The following ZC3H13 variants were observed in gnomAD, a reference collection of about 807,000 sequenced individuals.
ZC3H13 encodes zinc finger CCCH-type containing 13.
A neutral mutation model predicts 204.1 loss-of-function variants in ZC3H13; 64 were observed. That is an observed-to-expected ratio of 0.31 (90% CI 0.26 to 0.39). ZC3H13 has a LOEUF of 0.39. Among genes scored for constraint, ZC3H13 ranks in the 10% least tolerant of loss-of-function variants. The pLI is 1.00. For synonymous variants in ZC3H13, 667 were observed against 693.7 expected, an observed-to-expected ratio of 0.96 and a Z score of 0.60; for missense variants, 1,833 against 2,082.7, an observed-to-expected ratio of 0.88 and a Z score of 2.33.
At chr13:45,971,065 C>T (rs962705580) in intron 12 of ZC3H13, among the ~76,000 whole-genome samples, 1 of 152,112 alleles carries the variant, frequency 6.6e-6, no homozygotes, top group African/African-American at 2.4e-5. Context: ...AAACCCAGTG[C>T]CAAATATGTT....
chr13:46,003,516 G>C (rs1327319474), intron 7 of ZC3H13, among the ~76,000 whole-genome samples, 180 bp from the exon 8 acceptor site: 1 of 152,084 alleles, frequency 6.6e-6, no homozygotes, highest in African/African-American at 2.4e-5. Context: ...TAATTTACTT[G>C]ATACTTATTT....
chr13:45,975,468 C>T lies in ZC3H13; in HGVS notation c.2283G>A (p.Glu761=). The change falls in exon 12 of 19, where the codon GAG becomes GAA. Residue 761 remains glutamate (E), a synonymous_variant. Transcript: ENST00000679008. ...GCTCTCGCTCTCTCTCCCGTTCTCGCTCTCTCTCCCTCTCTCTCTCTTCTC... is the reference window on the plus strand; with the variant it reads ...GCTCTCGCTCTCTCTCCCGTTCTCGTTCTCTCTCCCTCTCTCTCTCTTCTC... ...REREERERER[E]RERERERERE... is the part of the protein sequence containing the mutation. 2 of 1,612,590 alleles carry T rather than the reference C, an allele frequency of 1.2e-6. No individual in the cohort carries two copies. Among genetic ancestry groups the T allele is most frequent in the Non-Finnish European group, 1.7e-6 (2 of 1,179,550 alleles).
At chr13:45,993,053 C>T (rs2040077076) in intron 8 of ZC3H13, among the ~76,000 whole-genome samples, 1 of 152,062 alleles carries the variant, frequency 6.6e-6, no homozygotes, top group Admixed American at 6.6e-5. Flanking sequence ...CTCTGGAAAA[C>T]CTTGACTAAT....
rs1381992527 is a variant in ZC3H13, at chr13:46,052,732, G to A, written c.-338C>T. On this transcript the variant is annotated 5_prime_UTR_variant, in exon 1 of 19. Transcript: ENST00000679008. The stretch of plus-strand genomic sequence containing the variant: ...AGGAGGACCGCCTCAAAATGCCGCC[G>A]GAAGTCAGAGGTTTGCCCTGTTCCT... The A allele has an allele frequency of 1.5e-5, 6 of 397,498 alleles. No homozygotes were observed. Among genetic ancestry groups the A allele is most frequent in the Non-Finnish European group, 8.9e-6 (2 of 225,560 alleles). 24.6% of individuals were successfully genotyped at this position (397,498 alleles called of 1,614,324 possible).
Position 45,967,718 on chromosome 13 carries a change from C to T in ZC3H13, c.4107G>A (p.Arg1369=), listed in dbSNP as rs1446485672. 4.3e-6 allele frequency: 7 copies of T among 1,613,714 alleles called. No individual in the cohort carries two copies. The highest frequency in any genetic ancestry group is 5.9e-6 in the Non-Finnish European group (7 of 1,179,930). ...TTCTGTCTCTGTCTCTGTCCCTGTC[C>T]CTTTCAACAGAATCAGAAATTAGTC... ...RERLISDSVE[R]DRDRDRDRTF... Residue 1369 remains arginine, a synonymous_variant, in exon 15 of 19, where the codon AGG becomes AGA. Transcript: ENST00000679008.
intron 10 of ZC3H13, among the ~76,000 whole-genome samples, chr13:45,983,152 AACTCCT>A (rs1312422470): frequency 6.6e-6 from 1 of 151,902 alleles, no homozygotes; most frequent in Non-Finnish European, 1.5e-5. Flanking sequence ...TTACAAATGC[AACTCCT>A]TTGAAAGCAT....
chr13:45,997,904 C>T (rs1472399982), intron 8 of ZC3H13, among the ~76,000 whole-genome samples: 2 of 152,106 alleles, frequency 1.3e-5, no homozygotes, highest in Non-Finnish European at 2.9e-5. Context: ...CACACACACA[C>T]CCCATCACTA....
At chr13:46,028,726 C>CA (rs1304709910) in intron 4 of ZC3H13, among the ~76,000 whole-genome samples, 1 of 151,526 alleles carries the variant, frequency 6.6e-6, no homozygotes, top group South Asian at 2.1e-4. Context: ...GAAGAAATTG[C>CA]AAAAAAATTT....
chr13:46,017,219 T>C (rs2138758023), intron 5 of ZC3H13, among the ~76,000 whole-genome samples: 1 of 152,276 alleles, frequency 6.6e-6, no homozygotes, highest in East Asian at 1.9e-4. Flanking sequence ...AAAGCTGTTC[T>C]TACAGACAAG....
rs1254380477 is a variant in ZC3H13, at chr13:45,956,989, A to C, written c.*138T>G. On this transcript the variant is annotated 3_prime_UTR_variant, in exon 19 of 19. Coordinates refer to ENST00000679008, the MANE Select transcript of ZC3H13 (RefSeq NM_001330564.2). The stretch of plus-strand genomic sequence containing the variant: ...CCAAAACTAGTGTCTCTAAAGATCA[A>C]AATTCTTCACTCTTTTAGCATGGCT... The C allele has an allele frequency of 1.7e-5, 14 of 825,092 alleles. No individual in the cohort carries two copies. The highest frequency in any genetic ancestry group is 2.3e-5 in the Non-Finnish European group (14 of 607,622). 51.1% of individuals were successfully genotyped at this position (825,092 alleles called of 1,614,324 possible). A position where few individuals can be genotyped will look rare whatever the true frequency, so the allele number is the denominator to read the frequency against.
At chr13:45,975,133 A>G (rs1310159495) in intron 12 of ZC3H13, 150 bp downstream of exon 12, 2 of 1,288,668 alleles carry the variant, frequency 1.6e-6, no homozygotes, top group South Asian at 1.6e-5. Context: ...AACTTTAAAC[A>G]CCGATACATA....
chr13:46,051,444 T>C (rs1429951776), intron 1 of ZC3H13, among the ~76,000 whole-genome samples: 1 of 152,146 alleles, frequency 6.6e-6, no homozygotes, highest in Non-Finnish European at 1.5e-5. Context: ...AATAGTTCAT[T>C]AAGAAAATAA....
At chr13:45,971,057 A>T (rs1952542074) in intron 12 of ZC3H13, among the ~76,000 whole-genome samples, 7 of 152,180 alleles carry the variant, frequency 4.6e-5, no homozygotes. Flanking sequence ...TATGTCATAA[A>T]CCCAGTGCCA....
rs534999351 is a variant in ZC3H13 at position 46,019,902 on chromosome 13, G to A, written c.448+547C>T. Among the ~76,000 whole-genome samples the A allele has an allele frequency of 2.0e-5, 3 of 152,262 alleles. No homozygotes were observed. The East Asian group carries it at 5.8e-4, about 29-fold the overall frequency. ...TGACTTCAAGAGGCTAAGCTGCAGT[G>A]AGCCATGATTGTACCACTGTCCTCC... On this transcript the variant is annotated intron_variant, in intron 5 of 18. Transcript: ENST00000679008.
rs2137893281 is a variant in ZC3H13 at position 45,969,003 on chromosome 13, G to A, written c.3541C>T (p.Arg1181Cys). Residue 1181 changes from arginine to cysteine, a missense_variant, in exon 14 of 19, where the codon CGC (arginine) becomes TGC (cysteine). By Grantham distance (180) the Arg-to-Cys change is radical (BLOSUM62 -3). Transcript: ENST00000679008. Reference protein sequence around the residue: ...PHVTIEDAQHRKPMDQKRSSS... With the variant: ...PHVTIEDAQHCKPMDQKRSSS... ...CTCCTCTTTTGATCCATAGGCTTGCGATGCTGTGCATCTTCTATAGTCACG... is the reference window on the plus strand; with the variant it reads ...CTCCTCTTTTGATCCATAGGCTTGCAATGCTGTGCATCTTCTATAGTCACG... 6 of 1,614,192 alleles carry A rather than the reference G, an allele frequency of 3.7e-6. No homozygotes were observed. The highest frequency in any genetic ancestry group is 1.7e-4 in the Middle Eastern group (1 of 6,060).
intron 8 of ZC3H13, among the ~76,000 whole-genome samples, chr13:46,002,396 C>T (rs1350889751): frequency 6.6e-6 from 1 of 152,088 alleles, no homozygotes; most frequent in Non-Finnish European, 1.5e-5. Context: ...TATCATATGA[C>T]CCAGCAATTC....
At position 46,042,167 on chromosome 13, in the gene ZC3H13, A is replaced by G. The variant is rs1593811614; in HGVS notation, c.336T>C (p.Val112=). 3 of 1,610,358 alleles carry G rather than the reference A, an allele frequency of 1.9e-6. No individual in the cohort carries two copies. The East Asian group carries it at 6.7e-5, about 36-fold the overall frequency. ...KRNTEESSSP[V]RKESSRGRHR... ...GTTTTGGGAAATTCAATCCTACCCT[A>G]ACAGGTGAGGATGACTCCTCTGTAT... The change falls in exon 4 of 19, where the codon GTT becomes GTC. Residue 112 remains valine (V), a synonymous_variant. Coordinates refer to ENST00000679008, the MANE Select transcript of ZC3H13 (RefSeq NM_001330564.2).
At chr13:46,017,785 A>G (rs963129600) in intron 5 of ZC3H13, among the ~76,000 whole-genome samples, 22 of 152,070 alleles carry the variant, frequency 1.4e-4, no homozygotes, top group African/African-American at 5.3e-4. Flanking sequence ...AGTCTATGAA[A>G]CCAGTTTAGT....
chr13:45,963,018 T>C (rs1299748642), intron 17 of ZC3H13: 1 of 985,328 alleles, frequency 1.0e-6, no homozygotes, highest in African/African-American at 1.7e-5. Flanking sequence ...CGTGATAGGA[T>C]ATTTTCAAAG....
Sources: allele counts gnomAD v4.1 joint callset (sites outside exome capture counted in the v4.1 genomes callset), GRCh38; gene constraint gnomAD v4.1.1; transcripts MANE v1.5; gene names NCBI Gene and HGNC (gene_info 2026-07-23, HGNC 2026-07-21).